The following GCN1 variants were observed in gnomAD, a reference collection of about 807,000 sequenced individuals.
GCN1 encodes the protein GCN1 activator of EIF2AK4.
A neutral mutation model predicts 288.4 loss-of-function variants in GCN1; 90 were observed. That is an observed-to-expected ratio of 0.31 (90% CI 0.26 to 0.37). The LOEUF (loss-of-function observed/expected upper bound fraction) is 0.37, where lower values mean the gene tolerates loss of function less well. GCN1 is among the 10% of genes least tolerant of loss of function. GCN1 has a pLI of 1.00. For synonymous variants in GCN1, 1,386 were observed against 1,420.2 expected (o/e 0.98, Z 0.54); for missense variants, 2,586 against 3,419.9 (o/e 0.76, Z 6.08).
At chr12:120,176,453 G>C (rs1006095686) in intron 9 of GCN1, among the ~76,000 whole-genome samples, 2 of 152,186 alleles carry the variant, frequency 1.3e-5, no homozygotes, top group Non-Finnish European at 2.9e-5. Context: ...CACAGGGACA[G>C]AGACTCAACC....
At chr12:120,131,425 G>A in intron 54 of GCN1, 92 bp from the exon 55 acceptor site, 2 of 1,269,390 alleles carry the variant, frequency 1.6e-6, no homozygotes, top group Non-Finnish European at 2.2e-6. Flanking sequence ...CTGGAGACCA[G>A]TGTGCTGACC....
At position 120,153,333 on chromosome 12, in the gene GCN1, A is replaced by T. The variant is rs768430927; in HGVS notation, c.3942T>A (p.Ala1314=). The T allele has an allele frequency of 8.1e-6, 13 of 1,614,208 alleles. No homozygotes were observed. Among genetic ancestry groups the T allele is most frequent in the Middle Eastern group, 1.6e-4 (1 of 6,062 alleles). ...TCAGGACCACCACACTCTGTCGCACAGCATCATAGCTGGCATCATTGGGCG... is the reference window on the plus strand; with the variant it reads ...TCAGGACCACCACACTCTGTCGCACTGCATCATAGCTGGCATCATTGGGCG... ...KNAPNDASYD[A]VRQSVVVLMG... Residue 1314 remains alanine (A), a synonymous_variant, in exon 33 of 58, where the codon GCT becomes GCA. Coordinates refer to ENST00000300648, the MANE Select transcript of GCN1 (RefSeq NM_006836.2). The surrounding 1 kb of genome is among the most constrained non-coding windows in gnomAD (Gnocchi z 4.4).
chr12:120,159,011 CAAAAA>C (rs56356587), intron 24 of GCN1, among the ~76,000 whole-genome samples: 1 of 114,034 alleles, frequency 8.8e-6, no homozygotes, highest in Non-Finnish European at 1.9e-5. Flanking sequence ...GACTCCGTCT[CAAAAA>C]AAAAAAAAAA....
intron 16 of GCN1, among the ~76,000 whole-genome samples, chr12:120,166,173 C>A (rs910710765): frequency 3.3e-5 from 5 of 150,358 alleles, no homozygotes; most frequent in Admixed American, 3.3e-4. Flanking sequence ...GAGGCCAAAG[C>A]AGGCAGGTCA....
In GCN1 at chr12:120,176,077, A is replaced by T. The variant is rs761955300; in HGVS notation, c.913+66T>A. The T allele has an allele frequency of 1.0e-4, 140 of 1,338,970 alleles. 1 individual carries two copies. The Middle Eastern group carries it at 1.5e-3, about 14-fold the overall frequency. 82.9% of individuals were successfully genotyped at this position (1,338,970 alleles called of 1,614,324 possible). A position where few individuals can be genotyped will look rare whatever the true frequency, so the allele number is the denominator to read the frequency against. On this transcript the variant is annotated intron_variant, in intron 10 of 57. Coordinates refer to ENST00000300648, the MANE Select transcript of GCN1 (RefSeq NM_006836.2). Reference sequence around the variant, plus strand: ...AGCTGTCCCCTACCCCTGCTACAACAATTAGGACAAGTACAACCAAACCCA... The same window carrying T: ...AGCTGTCCCCTACCCCTGCTACAACTATTAGGACAAGTACAACCAAACCCA...
Position 120,142,702 on chromosome 12 carries a change from C to G in GCN1, c.5634G>C (p.Gly1878=). 4 of 1,614,130 alleles carry G rather than the reference C, an allele frequency of 2.5e-6. No individual in the cohort carries two copies. The highest frequency in any genetic ancestry group is 2.5e-6 in the Non-Finnish European group (3 of 1,180,018). ...CCAACACCCGGTTCCGCCGCTCTAC[C>G]CCCAGGGCAGTGATGATCGCCTGCA... ...QSNKAIITAL[G]VERRNRVLAG... is the part of the protein sequence containing the mutation. The change falls in exon 44 of 58, where the codon GGG becomes GGC. Residue 1878 remains glycine (G), a synonymous_variant. Coordinates refer to ENST00000300648, the MANE Select transcript of GCN1 (RefSeq NM_006836.2). The surrounding 1 kb of genome is among the most constrained non-coding windows in gnomAD (Gnocchi z 4.9).
chr12:120,167,043 G>GGAGTTATAAAAA (rs1878152838), intron 16 of GCN1, among the ~76,000 whole-genome samples: 1 of 151,356 alleles, frequency 6.6e-6, no homozygotes, highest in African/African-American at 2.4e-5. Flanking sequence ...AAATTACTAT[G>GGAGTTATAAAAA]GAGTTATAAA....
chr12:120,151,073 T>G (rs909512983), intron 34 of GCN1, 72 bp downstream of exon 34: 17 of 1,551,102 alleles, frequency 1.1e-5, no homozygotes, highest in Middle Eastern at 1.7e-4. Context: ...GGCGCCACGG[T>G]CAGATTCCTT....
chr12:120,162,701 G>A (rs1877968808), intron 20 of GCN1, 146 bp downstream of exon 20: 1 of 904,820 alleles, frequency 1.1e-6, no homozygotes, highest in Admixed American at 2.6e-5. Flanking sequence ...GCTTAAACCA[G>A]TTTACATTTC....
chr12:120,150,829 T>G (rs1302654140), intron 34 of GCN1, among the ~76,000 whole-genome samples: 1 of 149,272 alleles, frequency 6.7e-6, no homozygotes, highest in African/African-American at 2.5e-5. Flanking sequence ...CCCAGCTACT[T>G]GGGAGGCTAA....
chr12:120,173,230 TA>T (rs1405844318), intron 14 of GCN1, among the ~76,000 whole-genome samples: 1 of 152,056 alleles, frequency 6.6e-6, no homozygotes. Flanking sequence ...CTAATTTTTG[TA>T]TTTTTAGTAG....
At chr12:120,164,837 A>T in intron 16 of GCN1, 116 bp from the exon 17 acceptor site, 1 of 606,590 alleles carries the variant, frequency 1.6e-6, no homozygotes, top group East Asian at 3.0e-5. Flanking sequence ...TATAAATGTG[A>T]TTATCACTCG....
Position 120,127,585 on chromosome 12 carries a change from G to A in GCN1, c.*264C>T. On this transcript the variant is annotated 3_prime_UTR_variant, in exon 58 of 58. Transcript: ENST00000300648. ...GTTCCAGACCTAGCCATGCTAAACT[G>A]GACAAACAGCTCCTGGGCTGCCATT... is the stretch of plus-strand genomic sequence containing the variant. 1 of 409,422 alleles carries A rather than the reference G, an allele frequency of 2.4e-6. No homozygotes were observed. The highest frequency in any genetic ancestry group is 4.5e-6 in the Non-Finnish European group (1 of 219,958). 25.4% of individuals were successfully genotyped at this position (409,422 alleles called of 1,614,324 possible). A position where few individuals can be genotyped will look rare whatever the true frequency, so the allele number is the denominator to read the frequency against.
Position 120,153,512 on chromosome 12 carries a change from G to A in GCN1, c.3868-105C>T, listed in dbSNP as rs1877637329. 5 of 1,069,768 alleles carry A rather than the reference G, an allele frequency of 4.7e-6. No individual in the cohort carries two copies. In the African/African-American group the frequency reaches 4.7e-5, roughly 10 times the overall value. 66.3% of individuals were successfully genotyped at this position (1,069,768 alleles called of 1,614,324 possible). ...AAGACCAAGTCTAGCTCTGGGACAG[G>A]CATCCTGACATGCCAGCCAGTGGCT... On this transcript the variant is annotated intron_variant, in intron 32 of 57. Coordinates refer to ENST00000300648, the MANE Select transcript of GCN1 (RefSeq NM_006836.2). The surrounding 1 kb of genome is among the most constrained non-coding windows in gnomAD (Gnocchi z 4.4).
chr12:120,141,139 A>G, intron 44 of GCN1, 116 bp from the exon 45 acceptor site: 6 of 845,774 alleles, frequency 7.1e-6, no homozygotes, highest in Non-Finnish European at 1.1e-5. Flanking sequence ...TCACTGACTT[A>G]ACTTCCCCAA....
At chr12:120,140,824 G>A in intron 45 of GCN1, 35 bp downstream of exon 45, 1 of 1,602,214 alleles carries the variant, frequency 6.2e-7, no homozygotes, top group South Asian at 1.1e-5. Flanking sequence ...GTCGTCTGCA[G>A]TGCACAGCTG....
At chr12:120,191,798 G>A (rs1879011573) in intron 1 of GCN1, among the ~76,000 whole-genome samples, 1 of 152,086 alleles carries the variant, frequency 6.6e-6, no homozygotes, top group Admixed American at 6.6e-5. Context: ...ACTCTCCATG[G>A]GCAACCCTTA....
chr12:120,176,203 G>A lies in GCN1; in HGVS notation c.853C>T (p.Leu285=). The A allele has an allele frequency of 1.2e-6, 2 of 1,608,148 alleles. No homozygotes were observed. Among genetic ancestry groups the A allele is most frequent in the Non-Finnish European group, 1.7e-6 (2 of 1,174,520 alleles). The part of the protein sequence containing the change: ...ENVIETISSL[L]ASVTLDLSQY... The stretch of plus-strand genomic sequence containing the variant: ...CTGAGGTCAAGCGTCACTGATGCCA[G>A]CAGACTAGAAATAGCTAAGGGGGAC... Residue 285 remains leucine (L), a synonymous_variant, in exon 10 of 58, where the codon CTG becomes TTG. Coordinates refer to ENST00000300648, the MANE Select transcript of GCN1 (RefSeq NM_006836.2).
chr12:120,165,398 G>C (rs1385431997), intron 16 of GCN1, among the ~76,000 whole-genome samples: 1 of 152,026 alleles, frequency 6.6e-6, no homozygotes, highest in East Asian at 1.9e-4. Context: ...TTGAACTCCT[G>C]ACCACAGGTG....
Sources: allele counts gnomAD v4.1 joint callset (sites outside exome capture counted in the v4.1 genomes callset), GRCh38; gene constraint gnomAD v4.1.1; non-coding constraint Gnocchi (gnomAD v3.1); transcripts MANE v1.5; gene names NCBI Gene and HGNC (gene_info 2026-07-23, HGNC 2026-07-21).